The following TMPRSS3 variants were observed in gnomAD, a reference collection of about 807,000 sequenced individuals.
TMPRSS3 encodes the protein transmembrane protease serine 3.
A neutral mutation model predicts 59.6 loss-of-function variants in TMPRSS3; 55 were observed. That is an observed-to-expected ratio of 0.92 (90% CI 0.74 to 1.16). TMPRSS3 has a LOEUF of 1.16. Among genes scored for constraint, TMPRSS3 ranks in the 50% most tolerant of loss-of-function variants. The pLI is 0.00. For missense variants in TMPRSS3, 596 were observed against 579.4 expected, an observed-to-expected ratio of 1.03 and a Z score of -0.29; for synonymous variants, 257 against 237.7, an observed-to-expected ratio of 1.08 and a Z score of -0.75.
chr21:42,377,283 A>G (rs2052447548), intron 10 of TMPRSS3, among the ~76,000 whole-genome samples: 1 of 152,198 alleles, frequency 6.6e-6, no homozygotes, highest in South Asian at 2.1e-4. Flanking sequence ...GAGCCGGAGG[A>G]GAAGCTGTGA....
chr21:42,382,903 A>G (rs1264077923), intron 8 of TMPRSS3, 130 bp downstream of exon 8: 1 of 1,149,402 alleles, frequency 8.7e-7, no homozygotes, highest in African/African-American at 1.5e-5. Context: ...ACTCCTCTCC[A>G]ACTGTACATT....
chr21:42,387,163 G>A (rs1352117346), intron 5 of TMPRSS3, among the ~76,000 whole-genome samples: 1 of 152,182 alleles, frequency 6.6e-6, no homozygotes, highest in Non-Finnish European at 1.5e-5. Flanking sequence ...GCTGGGTGGG[G>A]AAGGAGAGGG....
In TMPRSS3 at chr21:42,388,257, T is replaced by G. The variant is rs1305615140; in HGVS notation, c.446+146A>C. On this transcript the variant is annotated intron_variant, in intron 5 of 12. Coordinates refer to ENST00000644384, the MANE Select transcript of TMPRSS3 (RefSeq NM_001256317.3). The surrounding 1 kb of genome is among the most constrained non-coding windows in gnomAD (Gnocchi z 5.1). ...GGTTTGCTTGCCTGTGAAGTGAGGA[T>G]GATATCGGGCATCCTAAGGTGGATG... 11 of 1,112,256 alleles carry G rather than the reference T, an allele frequency of 9.9e-6. No homozygotes were observed. The highest frequency in any genetic ancestry group is 1.5e-5 in the Non-Finnish European group (11 of 751,842). The allele number at this position is 1,112,256 out of a possible 1,614,324, so 68.9% of individuals were successfully genotyped here.
At position 42,372,289 on chromosome 21, in the gene TMPRSS3, G is replaced by C; in HGVS notation, c.*473C>G. On this transcript the variant is annotated 3_prime_UTR_variant, in exon 13 of 13. Coordinates refer to ENST00000644384, the MANE Select transcript of TMPRSS3 (RefSeq NM_001256317.3). ...AGAAAGGAGCGTGAGGCTAGGCGTG[G>C]TGGCCCATGCCTGTAATCCCAGCAC... The C allele has an allele frequency of 2.2e-6, 1 of 453,924 alleles. No homozygotes were observed. The highest frequency in any genetic ancestry group is 1.6e-5 in the South Asian group (1 of 64,364). 28.1% of individuals were successfully genotyped at this position (453,924 alleles called of 1,614,324 possible). A position where few individuals can be genotyped will look rare whatever the true frequency, so the allele number is the denominator to read the frequency against.
intron 12 of TMPRSS3, 110 bp from the exon 13 acceptor site, chr21:42,372,889 C>A: frequency 7.4e-7 from 1 of 1,350,908 alleles, no homozygotes; most frequent in South Asian, 1.2e-5. Context: ...TGGGGCTGTT[C>A]TCCACGATGA....
At chr21:42,386,303 T>G (rs1022325911) in intron 5 of TMPRSS3, among the ~76,000 whole-genome samples, 7 of 148,456 alleles carry the variant, frequency 4.7e-5, no homozygotes, top group African/African-American at 1.8e-4. Flanking sequence ...TTACTGTAAA[T>G]GCTATGGGGG....
chr21:42,382,136 C>T lies in TMPRSS3; in HGVS notation c.881G>A (p.Ser294Asn), dbSNP rs763769638. 5.6e-6 allele frequency: 9 copies of T among 1,614,080 alleles called. No homozygotes were observed. In the African/African-American group the frequency reaches 6.7e-5, roughly 12 times the overall value. The stretch of plus-strand genomic sequence containing the variant: ...GCCCAGCCTCTTTGGCTTGTACTTG[C>T]TGTGGTAGACAATCTTCTCCACCAA... ...SHLVEKIVYH[S>N]KYKPKRLGND... The change falls in exon 9 of 13, where the codon AGC becomes AAC. Residue 294 changes from serine (S) to asparagine (N), a missense_variant. Ser to Asn is a conservative substitution (Grantham distance 46). Transcript: ENST00000644384.
chr21:42,386,289 C>T (rs1213990096), intron 5 of TMPRSS3, among the ~76,000 whole-genome samples: 1 of 151,812 alleles, frequency 6.6e-6, no homozygotes, highest in African/African-American at 2.4e-5. Flanking sequence ...AGGATTTCTT[C>T]AGCTTACTGT....
chr21:42,393,801 C>G (rs1367614665), intron 2 of TMPRSS3, among the ~76,000 whole-genome samples: 4 of 152,208 alleles, frequency 2.6e-5, no homozygotes, highest in Admixed American at 2.6e-4. Context: ...ATGAGCATGT[C>G]TGTGTTCCAA....
rs555601823 is a variant in TMPRSS3, at chr21:42,388,802, G to T, written c.322+127C>A. ...CCAACATGTCTTTGGGCAAACGCCA[G>T]TTCAATCCCAGCTGAAGACATGACC... On this transcript the variant is annotated intron_variant, in intron 4 of 12. Coordinates refer to ENST00000644384, the MANE Select transcript of TMPRSS3 (RefSeq NM_001256317.3). The surrounding 1 kb of genome is among the most constrained non-coding windows in gnomAD (Gnocchi z 5.1). The T allele has an allele frequency of 9.9e-7, 1 of 1,013,890 alleles. No individual in the cohort carries two copies. The highest frequency in any genetic ancestry group is 1.8e-5 in the Admixed American group (1 of 56,922). 62.8% of individuals were successfully genotyped at this position (1,013,890 alleles called of 1,614,324 possible).
Position 42,388,846 on chromosome 21 carries a change from G to T in TMPRSS3, c.322+83C>A. ...CATGACCTAAAAATGGCAATGACTT[G>T]GACCCATTTTACAGATGGGAAGGGT... On this transcript the variant is annotated intron_variant, in intron 4 of 12. Coordinates refer to ENST00000644384, the MANE Select transcript of TMPRSS3 (RefSeq NM_001256317.3). This position sits in a 1 kb window ranked among gnomAD's most constrained non-coding sequence, Gnocchi z 5.1. 1 of 1,238,492 alleles carries T rather than the reference G, an allele frequency of 8.1e-7. No homozygotes were observed. The highest frequency in any genetic ancestry group is 1.2e-6 in the Non-Finnish European group (1 of 840,072). 76.7% of individuals were successfully genotyped at this position (1,238,492 alleles called of 1,614,324 possible). A position where few individuals can be genotyped will look rare whatever the true frequency, so the allele number is the denominator to read the frequency against.
intron 2 of TMPRSS3, chr21:42,390,396 G>T (rs1272549249): frequency 3.3e-6 from 1 of 302,732 alleles, no homozygotes; most frequent in Non-Finnish European, 6.5e-6. Flanking sequence ...GAGTCATTAG[G>T]GTGGGCCCTA....
intron 7 of TMPRSS3, 162 bp from the exon 8 acceptor site, chr21:42,383,360 G>A (rs1053757460): frequency 1.3e-6 from 1 of 761,300 alleles, no homozygotes; most frequent in Non-Finnish European, 2.2e-6. Flanking sequence ...GCTCAGCAGG[G>A]GAGGTGGTCA....
intron 10 of TMPRSS3, among the ~76,000 whole-genome samples, chr21:42,379,813 G>A (rs2052491859): frequency 6.6e-6 from 1 of 152,188 alleles, no homozygotes; most frequent in Non-Finnish European, 1.5e-5. Context: ...GGTGGGCTCT[G>A]TATGTCCTCA....
intron 9 of TMPRSS3, 156 bp downstream of exon 9, chr21:42,381,909 T>A: frequency 1.0e-6 from 1 of 954,294 alleles, no homozygotes; most frequent in Non-Finnish European, 1.7e-6. Context: ...GAAAAGATAA[T>A]CAACTGATGC....
chr21:42,380,307 A>G (rs1421080658), intron 9 of TMPRSS3, 95 bp from the exon 10 acceptor site: 14 of 1,008,014 alleles, frequency 1.4e-5, no homozygotes, highest in Non-Finnish European at 2.1e-5. Context: ...AGCCCAAACT[A>G]TCTCCCAAGG....
In TMPRSS3 at chr21:42,395,402, G is replaced by A; in HGVS notation, c.16C>T (p.Pro6Ser). 1 of 1,614,134 alleles carries A rather than the reference G, an allele frequency of 6.2e-7. No individual in the cohort carries two copies. Among genetic ancestry groups the A allele is most frequent in the East Asian group, 2.2e-5 (1 of 44,888 alleles). MGEND[P>S]PAVEAPFSFR... ...GAGAAGGGGGCTTCAACAGCAGGCG[G>A]ATCATTTTCCCCCATGGTGACTATT... The change falls in exon 2 of 13, where the codon CCG (proline) becomes TCG (serine). Residue 6 changes from proline to serine, a missense_variant. Transcript: ENST00000644384.
intron 12 of TMPRSS3, among the ~76,000 whole-genome samples, chr21:42,374,838 A>AT (rs10709183): frequency 4.0e-5 from 6 of 150,876 alleles, no homozygotes; most frequent in Admixed American, 6.6e-5. Context: ...AATGAAACCA[A>AT]TTTTTTTTTT....
chr21:42,382,031 A>G (rs754632759), intron 9 of TMPRSS3, 34 bp downstream of exon 9: 15 of 1,614,086 alleles, frequency 9.3e-6, no homozygotes, highest in Non-Finnish European at 1.3e-5. Context: ...AAACAAAGGA[A>G]GAGCTGCAGA....
Sources: gnomAD v4.1 joint callset for allele counts (sites outside exome capture counted in the v4.1 genomes callset) on GRCh38, gnomAD v4.1.1 for gene constraint, Gnocchi (gnomAD v3.1) non-coding constraint, MANE v1.5 for transcripts, NCBI Gene and HGNC (gene_info 2026-07-23, HGNC 2026-07-21) for gene names.